Variants in GRIP1 observed in about 807,000 individuals in gnomAD.
GRIP1 encodes glutamate receptor-interacting protein 1.
GRIP1 carries 45 observed loss-of-function variants against 129.9 expected under a neutral mutation model. The observed-to-expected ratio is 0.35, with a 90% confidence interval of 0.27 to 0.44. The LOEUF is 0.44. GRIP1 is among the 20% of genes least tolerant of loss of function. GRIP1 has a pLI of 1.00. For missense variants in GRIP1, 1,196 were observed against 1,396.8 expected, an observed-to-expected ratio of 0.86 and a Z score of 2.29; for synonymous variants, 530 against 520.8, an observed-to-expected ratio of 1.02 and a Z score of -0.24.
intron 1 of GRIP1, among the ~76,000 whole-genome samples, chr12:66,877,042 T>C (rs1227448870): frequency 6.6e-6 from 1 of 152,048 alleles, no homozygotes; most frequent in Non-Finnish European, 1.5e-5. Flanking sequence ...TGTAACTGTG[T>C]GTGTATGAGT....
intron 1 of GRIP1, among the ~76,000 whole-genome samples, chr12:66,855,277 G>A (rs1404560440): frequency 6.6e-6 from 1 of 151,884 alleles, no homozygotes; most frequent in African/African-American, 2.4e-5. Context: ...CTCTAAGCAA[G>A]TTGGTTAGAA....
At chr12:66,471,584 GAAT>G (rs2059440090) in intron 7 of GRIP1, among the ~76,000 whole-genome samples, 1 of 152,130 alleles carries the variant, frequency 6.6e-6, no homozygotes, top group Non-Finnish European at 1.5e-5. Context: ...CCAGCAACCT[GAAT>G]AATAAAGGAA....
At chr12:67,011,611 ATT>A (rs576675687) in intron 1 of GRIP1, among the ~76,000 whole-genome samples, 1 of 140,526 alleles carries the variant, frequency 7.1e-6, no homozygotes. Flanking sequence ...CATATCCTCT[ATT>A]TTTTTTTTTT....
intron 11 of GRIP1, among the ~76,000 whole-genome samples, chr12:66,446,346 CTG>C (rs1196016323): frequency 4.6e-5 from 7 of 152,206 alleles, no homozygotes; most frequent in Non-Finnish European, 8.8e-5. Flanking sequence ...CCCGTGCTCT[CTG>C]TGAGCACAGC....
At chr12:66,922,294 G>C (rs1278745334) in intron 1 of GRIP1, among the ~76,000 whole-genome samples, 1 of 152,208 alleles carries the variant, frequency 6.6e-6, no homozygotes, top group African/African-American at 2.4e-5. Context: ...CCTGGGGTGG[G>C]AGTGAGGAGG....
intron 1 of GRIP1, among the ~76,000 whole-genome samples, chr12:66,867,404 T>C (rs1250017148): frequency 1.3e-5 from 2 of 152,158 alleles, no homozygotes; most frequent in Non-Finnish European, 2.9e-5. Context: ...ATTAGCATCA[T>C]TGTTTTCACT....
In GRIP1 at chr12:67,012,548, C is replaced by T. The variant is rs551571216; in HGVS notation, c.58+56502G>A. ...GAGCAACAGCATATTTATTAACTCC[C>T]TATCTTGTGACAAGAGCTTCATATG... On this transcript the variant is annotated intron_variant, in intron 1 of 1. Coordinates refer to the GRIP1 transcript ENST00000643019. 3.0e-4 allele frequency among the ~76,000 whole-genome samples: 45 copies of T among 152,264 alleles called. 1 individual carries two copies. In the South Asian group the frequency reaches 9.1e-3, roughly 31 times the overall value.
At chr12:66,491,666 G>A (rs1404010059) in intron 7 of GRIP1, among the ~76,000 whole-genome samples, 1 of 151,972 alleles carries the variant, frequency 6.6e-6, no homozygotes, top group African/African-American at 2.4e-5. Context: ...GAAAAAAGGG[G>A]GCATAATTCT....
intron 8 of GRIP1, among the ~76,000 whole-genome samples, chr12:66,464,617 A>G (rs1463841165): frequency 1.3e-5 from 2 of 152,202 alleles, no homozygotes; most frequent in East Asian, 1.9e-4. Flanking sequence ...GCTACCCTAC[A>G]TTAAGAACAG....
intron 2 of GRIP1, among the ~76,000 whole-genome samples, chr12:66,582,158 A>T (rs535966845): frequency 2.2e-4 from 34 of 151,872 alleles, no homozygotes; most frequent in African/African-American, 7.7e-4. Flanking sequence ...CAAAAACCAC[A>T]TGATTATCTC....
chr12:66,687,259 G>T (rs1441787895), intron 1 of GRIP1, among the ~76,000 whole-genome samples: 1 of 152,142 alleles, frequency 6.6e-6, no homozygotes, highest in Non-Finnish European at 1.5e-5. Flanking sequence ...TTCAAGCAAT[G>T]TGTACTATGA....
Position 66,348,770 on chromosome 12 carries a change from C to G in GRIP1, c.*249G>C. The G allele has an allele frequency of 1.9e-6, 1 of 519,960 alleles. No homozygotes were observed. Among genetic ancestry groups the G allele is most frequent in the Non-Finnish European group, 3.4e-6 (1 of 290,032 alleles). 32.2% of individuals were successfully genotyped at this position (519,960 alleles called of 1,614,324 possible). A position where few individuals can be genotyped will look rare whatever the true frequency, so the allele number is the denominator to read the frequency against. ...TTAATTGTAGAGTTGTGGGGGACGG[C>G]CTATTTTTCTCTACCGTTGGGACTG... On this transcript the variant is annotated 3_prime_UTR_variant, in exon 25 of 25. Transcript: ENST00000359742.
chr12:66,765,354 A>AT (rs2037602510), intron 1 of GRIP1, among the ~76,000 whole-genome samples: 1 of 152,336 alleles, frequency 6.6e-6, no homozygotes, highest in Non-Finnish European at 1.5e-5. Flanking sequence ...AGAGCTCTGG[A>AT]TGTCAAAGCT....
chr12:66,987,161 GA>G (rs781030611), intron 1 of GRIP1, among the ~76,000 whole-genome samples: 6 of 152,126 alleles, frequency 3.9e-5, no homozygotes, highest in Non-Finnish European at 5.9e-5. Flanking sequence ...GATATCAAGG[GA>G]GCAGTTTGGG....
At chr12:66,785,360 A>ATATATATATATATATATATG (rs1217294972) in intron 1 of GRIP1, among the ~76,000 whole-genome samples, 2 of 143,116 alleles carry the variant, frequency 1.4e-5, no homozygotes, top group Non-Finnish European at 3.1e-5. Context: ...ATATATATAT[A>ATATATATATATATATATATG]TATTAGTTGG....
chr12:67,029,287 G>A (rs7303446), intron 1 of GRIP1, among the ~76,000 whole-genome samples: 2,133 of 152,052 alleles, frequency 0.014, 54 homozygotes, highest in African/African-American at 0.049. Flanking sequence ...TGTTGTTATC[G>A]TTGTTATGTA....
chr12:66,677,098 G>C (rs1290742703), intron 1 of GRIP1, among the ~76,000 whole-genome samples: 1 of 152,176 alleles, frequency 6.6e-6, no homozygotes, highest in African/African-American at 2.4e-5. Context: ...ATACCAAATA[G>C]AGCAGACATA....
intron 14 of GRIP1, among the ~76,000 whole-genome samples, chr12:66,429,278 GATA>G (rs766332498): frequency 6.6e-6 from 1 of 152,164 alleles, no homozygotes; most frequent in South Asian, 2.1e-4. Flanking sequence ...TTGGTATAGA[GATA>G]ATGAGAAGAA....
intron 1 of GRIP1, among the ~76,000 whole-genome samples, chr12:66,646,351 C>T (rs914788623): frequency 4.6e-5 from 7 of 152,072 alleles, no homozygotes; most frequent in East Asian, 1.9e-4. Flanking sequence ...AGGGCGAGAG[C>T]GGTGGCTCAC....
Sources: allele counts gnomAD v4.1 joint callset (sites outside exome capture counted in the v4.1 genomes callset), GRCh38; gene constraint gnomAD v4.1.1; transcripts MANE v1.5; gene names NCBI Gene and HGNC (gene_info 2026-07-23, HGNC 2026-07-21).